Variants in BCAR3 observed in about 807,000 individuals in gnomAD.
The protein encoded by BCAR3 is breast cancer anti-estrogen resistance protein 3.
Under a neutral mutation model 80.1 loss-of-function variants are expected in BCAR3, and 37 were observed. That is an observed-to-expected ratio of 0.46 (90% CI 0.36 to 0.61). BCAR3 has a LOEUF of 0.61. Among genes scored for constraint, BCAR3 ranks in the 20% least tolerant of loss-of-function variants. The pLI, the probability that BCAR3 is intolerant of heterozygous loss-of-function variation, is 0.00. For missense variants in BCAR3, 978 were observed against 1,068.2 expected (o/e 0.92, Z 1.18); for synonymous variants, 389 against 418.9 (o/e 0.93, Z 0.87).
At chr1:93,569,392 C>T (rs569880294) in intron 9 of BCAR3, among the ~76,000 whole-genome samples, 122 of 152,342 alleles carry the variant, frequency 8.0e-4, no homozygotes, top group African/African-American at 2.8e-3. Flanking sequence ...CACCAGCAGA[C>T]GTGCTGTGAA....
chr1:93,597,597 T>C (rs1674466960), intron 3 of BCAR3, among the ~76,000 whole-genome samples: 1 of 152,156 alleles, frequency 6.6e-6, no homozygotes, highest in Non-Finnish European at 1.5e-5. Flanking sequence ...TTAATAAGGA[T>C]TAAATGGGTC....
intron 2 of BCAR3, among the ~76,000 whole-genome samples, chr1:93,789,038 C>A (rs1023948093): frequency 6.6e-6 from 1 of 152,066 alleles, no homozygotes; most frequent in Non-Finnish European, 1.5e-5. Flanking sequence ...ATCTGTCACT[C>A]AGGCTAGAGT....
At chr1:93,647,560 C>A (rs1017234804) in intron 2 of BCAR3, among the ~76,000 whole-genome samples, 6 of 152,118 alleles carry the variant, frequency 3.9e-5, no homozygotes, top group Non-Finnish European at 7.3e-5. Context: ...TCCAACACTG[C>A]AAAAAGTTCT....
chr1:93,775,978 T>C (rs1315587519), intron 2 of BCAR3, among the ~76,000 whole-genome samples: 1 of 152,234 alleles, frequency 6.6e-6, no homozygotes, highest in Non-Finnish European at 1.5e-5. Flanking sequence ...TTTTGAAAAA[T>C]TCCTTTCTTG....
upstream of BCAR3, among the ~76,000 whole-genome samples, chr1:93,685,318 T>C (rs1474295039): frequency 6.6e-6 from 1 of 152,118 alleles, no homozygotes. Context: ...CTATTAGTAC[T>C]GCTATTAATA....
At chr1:93,614,988 G>A (rs1414631337) in intron 3 of BCAR3, among the ~76,000 whole-genome samples, 1 of 151,126 alleles carries the variant, frequency 6.6e-6, no homozygotes, top group African/African-American at 2.4e-5. Flanking sequence ...CAGTTATAGC[G>A]GATGCTCAAC....
chr1:93,612,877 A>G (rs939399325), intron 3 of BCAR3, among the ~76,000 whole-genome samples: 2 of 152,222 alleles, frequency 1.3e-5, no homozygotes, highest in Non-Finnish European at 2.9e-5. Flanking sequence ...AGCAAAATCA[A>G]TGGAAACTCA....
intron 3 of BCAR3, among the ~76,000 whole-genome samples, chr1:93,629,566 GACATGCTATT>G (rs1193720589): frequency 1.3e-5 from 2 of 152,164 alleles, no homozygotes; most frequent in African/African-American, 4.8e-5. Context: ...TACAAGTCCT[GACATGCTATT>G]ACATTTAATA....
chr1:93,768,113 C>G (rs978847396), intron 2 of BCAR3, among the ~76,000 whole-genome samples: 1 of 152,160 alleles, frequency 6.6e-6, no homozygotes, highest in Admixed American at 6.5e-5. Flanking sequence ...ACATGGCAAG[C>G]AAGTGGCTAT....
rs537264474 is a variant in BCAR3 at position 93,718,953 on chromosome 1, C to T, written c.-62-12811G>A. 1.8e-4 allele frequency among the ~76,000 whole-genome samples: 28 copies of T among 151,976 alleles called. No homozygotes were observed. The East Asian group carries it at 3.3e-3, about 18-fold the overall frequency. On this transcript the variant is annotated intron_variant, in intron 2 of 13. Transcript: ENST00000370244. Reference sequence around the variant, plus strand: ...CTGAACTCAAGCAATCCGCCCGCCTCGGCCTCCCAAAGTGTTAGGATTACA... The same window carrying T: ...CTGAACTCAAGCAATCCGCCCGCCTTGGCCTCCCAAAGTGTTAGGATTACA...
At chr1:93,570,716 C>T (rs537298137) in intron 9 of BCAR3, among the ~76,000 whole-genome samples, 2 of 152,320 alleles carry the variant, frequency 1.3e-5, no homozygotes, top group South Asian at 4.1e-4. Flanking sequence ...TGTCTCATTT[C>T]CCAGTGATTA....
intron 2 of BCAR3, among the ~76,000 whole-genome samples, chr1:93,715,178 T>C (rs1358152952): frequency 6.6e-6 from 1 of 152,256 alleles, no homozygotes; most frequent in Non-Finnish European, 1.5e-5. Context: ...CTATTCTTCC[T>C]GGCTCAACTT....
chr1:93,614,022 C>A, intron 3 of BCAR3: 1 of 1,509,430 alleles, frequency 6.6e-7, no homozygotes, highest in South Asian at 1.3e-5. Context: ...ACCACAGCAG[C>A]TGTGCTGTTT....
At chr1:93,722,098 A>G (rs1442353538) in intron 2 of BCAR3, among the ~76,000 whole-genome samples, 2 of 152,232 alleles carry the variant, frequency 1.3e-5, no homozygotes, top group African/African-American at 2.4e-5. Context: ...AGCTCTCCAC[A>G]GTCTCGGCCA....
At chr1:93,842,642 A>G (rs984495237) in intron 2 of BCAR3, among the ~76,000 whole-genome samples, 1 of 152,148 alleles carries the variant, frequency 6.6e-6, no homozygotes, top group African/African-American at 2.4e-5. Context: ...CCCCTCCTAT[A>G]GTAATCACTC....
chr1:93,731,423 T>C (rs1557669049), intron 2 of BCAR3, among the ~76,000 whole-genome samples: 1 of 152,166 alleles, frequency 6.6e-6, no homozygotes, highest in Non-Finnish European at 1.5e-5. Context: ...CTAAAGCTAG[T>C]TTGTTTTTTC....
chr1:93,750,072 G>T (rs1259216922), intron 2 of BCAR3, among the ~76,000 whole-genome samples: 1 of 152,138 alleles, frequency 6.6e-6, no homozygotes, highest in Non-Finnish European at 1.5e-5. Context: ...CCAGACCAAA[G>T]AATCTAAAAT....
intron 3 of BCAR3, among the ~76,000 whole-genome samples, chr1:93,626,894 T>C (rs1036314024): frequency 6.6e-6 from 1 of 152,224 alleles, no homozygotes; most frequent in Non-Finnish European, 1.5e-5. Flanking sequence ...TGCTTTTTCA[T>C]AGAGCACAAT....
intron 6 of BCAR3, 117 bp from the exon 7 acceptor site, chr1:93,583,070 T>C: frequency 8.1e-7 from 1 of 1,228,386 alleles, no homozygotes; most frequent in South Asian, 1.6e-5. Context: ...TCAATTTTCA[T>C]TTTCATTTCC....
Sources: allele counts gnomAD v4.1 joint callset (sites outside exome capture counted in the v4.1 genomes callset), GRCh38; gene constraint gnomAD v4.1.1; transcripts MANE v1.5; gene names NCBI Gene and HGNC (gene_info 2026-07-23, HGNC 2026-07-21).